MAS1: variants seen among roughly 807,000 people sequenced by gnomAD.
MAS1 encodes MAS1 proto-oncogene, G protein-coupled receptor, also known as proto-oncogene Mas.
For synonymous variants in MAS1, 163 were observed against 164.2 expected, an observed-to-expected ratio of 0.99 and a Z score of 0.05; for missense variants, 387 against 409.7, an observed-to-expected ratio of 0.94 and a Z score of 0.48.
chr6:159,891,433 A>G (rs768361910), intron 1 of MAS1, among the ~76,000 whole-genome samples: 16 of 152,234 alleles, frequency 1.1e-4, no homozygotes, highest in Admixed American at 5.2e-4. Flanking sequence ...TTGCAGGGGA[A>G]AGAATCTTAG....
intron 1 of MAS1, among the ~76,000 whole-genome samples, chr6:159,895,273 T>C (rs1046864869): frequency 6.6e-6 from 1 of 152,190 alleles, no homozygotes; most frequent in Admixed American, 6.5e-5. Flanking sequence ...TTACTAAGTA[T>C]GTAACCTTGG....
rs142353056 is a variant in MAS1, at chr6:159,907,778, G to A, written c.823G>A (p.Ala275Thr). Reference protein sequence around the residue: ...SLLFSTINSSANPFIYFFVGS... With the variant: ...SLLFSTINSSTNPFIYFFVGS... The stretch of plus-strand genomic sequence containing the variant: ...GCTCTTCTCCACAATCAACAGTAGC[G>A]CCAACCCTTTCATTTACTTCTTTGT... Residue 275 changes from alanine to threonine, a missense_variant, in exon 3 of 3, where the codon GCC (alanine) becomes ACC (threonine). Coordinates refer to ENST00000674077, the MANE Select transcript of MAS1 (RefSeq NM_002377.4). The A allele has an allele frequency of 1.5e-5, 25 of 1,613,242 alleles. No individual in the cohort carries two copies. Among genetic ancestry groups the A allele is most frequent in the Admixed American group, 1.0e-4 (6 of 59,860 alleles).
In MAS1 at chr6:159,907,288, T is replaced by C. The variant is rs1275912125; in HGVS notation, c.333T>C (p.Thr111=). The C allele has an allele frequency of 6.2e-7, 1 of 1,614,232 alleles. No individual in the cohort carries two copies. The highest frequency in any genetic ancestry group is 1.3e-5 in the African/African-American group (1 of 75,062). Residue 111 remains threonine (T), a synonymous_variant, in exon 3 of 3, where the codon ACT becomes ACC. Coordinates refer to ENST00000674077, the MANE Select transcript of MAS1 (RefSeq NM_002377.4). The part of the protein sequence containing the change: ...HYYTIVTLSV[T]FLFGYNTGLY... ...ACACAATTGTCACATTATCAGTGAC[T>C]TTTCTGTTTGGCTACAACACGGGCC...
At position 159,910,099 on chromosome 6, in the gene MAS1, G is replaced by T. The variant is rs762467782; in HGVS notation, c.*2166G>T. The T allele has an allele frequency of 2.6e-5, 4 of 152,324 alleles. No homozygotes were observed. Among genetic ancestry groups the T allele is most frequent in the Admixed American group, 1.3e-4 (2 of 15,304 alleles). The allele number at this position is 152,324 out of a possible 1,614,324, so 9.4% of individuals were successfully genotyped here. Reference sequence around the variant, plus strand: ...ATCATTTGTATCCTTTAGGCATTCAGACAATTTGCCTAAGTCATTGTAGGT... The same window carrying T: ...ATCATTTGTATCCTTTAGGCATTCATACAATTTGCCTAAGTCATTGTAGGT... On this transcript the variant is annotated 3_prime_UTR_variant, in exon 3 of 3. Coordinates refer to ENST00000674077, the MANE Select transcript of MAS1 (RefSeq NM_002377.4).
Position 159,907,308 on chromosome 6 carries a change from C to A in MAS1, c.353C>A (p.Thr118Lys). 1.2e-6 allele frequency: 2 copies of A among 1,614,156 alleles called. No homozygotes were observed. The highest frequency in any genetic ancestry group is 1.7e-6 in the Non-Finnish European group (2 of 1,180,026). Residue 118 changes from threonine to lysine, a missense_variant, in exon 3 of 3, where the codon ACG becomes AAG. Transcript: ENST00000674077. ...LSVTFLFGYNTGLYLLTAISV... is the reference protein window; with the variant it reads ...LSVTFLFGYNKGLYLLTAISV... ...GTGACTTTTCTGTTTGGCTACAACA[C>A]GGGCCTCTATCTGCTGACGGCCATT... is the stretch of plus-strand genomic sequence containing the variant.
upstream of MAS1, among the ~76,000 whole-genome samples, chr6:159,889,488 C>T (rs1253592020): frequency 6.6e-6 from 1 of 152,178 alleles, no homozygotes; most frequent in African/African-American, 2.4e-5. Flanking sequence ...ATCAATTCCT[C>T]CCCTGCTGGG....
At chr6:159,902,668 C>G (rs377679034) in intron 2 of MAS1, among the ~76,000 whole-genome samples, 31 of 152,202 alleles carry the variant, frequency 2.0e-4, no homozygotes, top group African/African-American at 7.5e-4. Flanking sequence ...TCACCCCTAC[C>G]TTTTGTGTAC....
chr6:159,909,700 G>C lies in MAS1; in HGVS notation c.*1767G>C, dbSNP rs928075986. On this transcript the variant is annotated 3_prime_UTR_variant, in exon 3 of 3. Coordinates refer to ENST00000674077, the MANE Select transcript of MAS1 (RefSeq NM_002377.4). ...CCTCTCCTGTGTGTGCTGTGTGCTG[G>C]CCTCTGGGGTAGGGAAAGGGGGCCA... The C allele has an allele frequency of 6.6e-6, 1 of 152,276 alleles. No individual in the cohort carries two copies. Among genetic ancestry groups the C allele is most frequent in the Non-Finnish European group, 1.5e-5 (1 of 68,096 alleles). The allele number at this position is 152,276 out of a possible 1,614,324, so 9.4% of individuals were successfully genotyped here. A position where few individuals can be genotyped will look rare whatever the true frequency, so the allele number is the denominator to read the frequency against.
chr6:159,901,215 A>T (rs184484053), intron 2 of MAS1, among the ~76,000 whole-genome samples: 105 of 152,276 alleles, frequency 6.9e-4, no homozygotes, highest in Admixed American at 5.3e-3. Context: ...TTACCTCCCT[A>T]CAAGGCCCTA....
intron 1 of MAS1, among the ~76,000 whole-genome samples, chr6:159,897,868 A>T (rs574432884): frequency 6.6e-6 from 1 of 152,242 alleles, no homozygotes; most frequent in South Asian, 2.1e-4. Flanking sequence ...ATAGTGGCAA[A>T]GTCACAACTA....
chr6:159,891,997 C>T (rs1194985333), intron 1 of MAS1, among the ~76,000 whole-genome samples: 1 of 152,274 alleles, frequency 6.6e-6, no homozygotes, highest in Non-Finnish European at 1.5e-5. Context: ...TAGCACACTC[C>T]TCTCCATTGT....
chr6:159,908,088 T>G lies in MAS1; in HGVS notation c.*155T>G. ...AATTAATGATGAAATTGAACTCTTG[T>G]ACTGTATCTTCTGGAAATGACCTGT... is the stretch of plus-strand genomic sequence containing the variant. On this transcript the variant is annotated 3_prime_UTR_variant, in exon 3 of 3. Transcript: ENST00000674077. The G allele has an allele frequency of 1.3e-6, 1 of 766,068 alleles. No homozygotes were observed. The highest frequency in any genetic ancestry group is 2.0e-6 in the Non-Finnish European group (1 of 509,510). The allele number at this position is 766,068 out of a possible 1,614,324, so 47.5% of individuals were successfully genotyped here.
At chr6:159,897,378 C>G (rs1782766688) in intron 1 of MAS1, among the ~76,000 whole-genome samples, 1 of 152,086 alleles carries the variant, frequency 6.6e-6, no homozygotes, top group East Asian at 1.9e-4. Flanking sequence ...AATGCAGGGT[C>G]TGAAAAATGT....
rs772752748 is a variant in MAS1 at position 159,907,586 on chromosome 6, G to A, written c.631G>A (p.Val211Ile). 3.7e-6 allele frequency: 6 copies of A among 1,613,802 alleles called. No individual in the cohort carries two copies. Among genetic ancestry groups the A allele is most frequent in the Non-Finnish European group, 4.2e-6 (5 of 1,180,010 alleles). The change falls in exon 3 of 3, where the codon GTC becomes ATC. Residue 211 changes from valine to isoleucine, a missense_variant. By Grantham distance (29) the Val-to-Ile change is conservative. Coordinates refer to ENST00000674077, the MANE Select transcript of MAS1 (RefSeq NM_002377.4). ...CATGCTGGTGTCCAGCACCATCTTGGTCGTGAAGATCCGGAAGAACACGTG... is the reference window on the plus strand; with the variant it reads ...CATGCTGGTGTCCAGCACCATCTTGATCGTGAAGATCCGGAAGAACACGTG... ...PLMLVSSTIL[V>I]VKIRKNTWAS...
rs767420979 is a variant in MAS1, at chr6:159,906,938, C to T, written c.-18C>T. 1.3e-6 allele frequency: 2 copies of T among 1,576,184 alleles called. No individual in the cohort carries two copies. Among genetic ancestry groups the T allele is most frequent in the South Asian group, 2.3e-5 (2 of 86,796 alleles). On this transcript the variant is annotated 5_prime_UTR_variant, in exon 3 of 3. Coordinates refer to ENST00000674077, the MANE Select transcript of MAS1 (RefSeq NM_002377.4). ...TTTACAGAAAATTACCTGAAGAGTT[C>T]CAACCTGAGGCCTCCTCATGGATGG...
At position 159,898,591 on chromosome 6, in the gene MAS1, GTTCCTCCTTCCTCTTC is replaced by G. The variant is rs1459616367; in HGVS notation, c.-243-594_-243-579del. ...CTCCTACCTCCTCTTCCTTTTCCCT[GTTCCTCCTTCCTCTTC>G]CTCCTCCTTCCTCCTCCTCCCTCTT... is the stretch of plus-strand genomic sequence containing the variant. On this transcript the variant is annotated intron_variant, in intron 1 of 2. Transcript: ENST00000674077. 7.0e-3 allele frequency among the ~76,000 whole-genome samples: 55 copies of G among 7,812 alleles called. 2 individuals carry two copies. Among genetic ancestry groups the G allele is most frequent in the East Asian group, 0.016 (4 of 258 alleles). The allele number at this position is 7,812 out of a possible 152,430, so 5.1% of individuals were successfully genotyped here.
rs1441253715 is a variant in MAS1 at position 159,913,068 on chromosome 6, A to T, written c.*5135A>T. ...TTCAGCAAAAGTAACCATTAAGTAA[A>T]GACAGAAAAATTGGCTGGGTACGGT... is the stretch of plus-strand genomic sequence containing the variant. On this transcript the variant is annotated 3_prime_UTR_variant, in exon 3 of 3. Coordinates refer to ENST00000674077, the MANE Select transcript of MAS1 (RefSeq NM_002377.4). 1 of 152,234 alleles carries T rather than the reference A, an allele frequency of 6.6e-6. No individual in the cohort carries two copies. The highest frequency in any genetic ancestry group is 1.5e-5 in the Non-Finnish European group (1 of 68,042). 9.4% of individuals were successfully genotyped at this position (152,234 alleles called of 1,614,324 possible).
intron 2 of MAS1, among the ~76,000 whole-genome samples, chr6:159,906,152 A>AT (rs1179316940): frequency 6.6e-5 from 10 of 150,560 alleles, no homozygotes; most frequent in South Asian, 6.4e-4. Flanking sequence ...AGAAAAAAAA[A>AT]TTTTTTTGAG....
At position 159,911,024 on chromosome 6, in the gene MAS1, T is replaced by C. The variant is rs1275773811; in HGVS notation, c.*3091T>C. ...TCCAGCTCTCTTTTTGAATCCTATC[T>C]TCCTGATTGGAATCTTCTCACTTCT... On this transcript the variant is annotated 3_prime_UTR_variant, in exon 3 of 3. Coordinates refer to ENST00000674077, the MANE Select transcript of MAS1 (RefSeq NM_002377.4). The C allele has an allele frequency of 6.6e-6, 1 of 152,260 alleles. No individual in the cohort carries two copies. Among genetic ancestry groups the C allele is most frequent in the Non-Finnish European group, 1.5e-5 (1 of 68,048 alleles). The allele number at this position is 152,260 out of a possible 1,614,324, so 9.4% of individuals were successfully genotyped here. A position where few individuals can be genotyped will look rare whatever the true frequency, so the allele number is the denominator to read the frequency against.
Sources: allele counts gnomAD v4.1 joint callset (sites outside exome capture counted in the v4.1 genomes callset), GRCh38; gene constraint gnomAD v4.1.1; transcripts MANE v1.5; gene names NCBI Gene and HGNC (gene_info 2026-07-23, HGNC 2026-07-21).